Variants in ADAMTSL3 observed in about 807,000 individuals in gnomAD.
ADAMTSL3 encodes the protein ADAMTS-like protein 3.
Under a neutral mutation model 201.7 loss-of-function variants are expected in ADAMTSL3, and 128 were observed. That is an observed-to-expected ratio of 0.63 (90% CI 0.55 to 0.73). The LOEUF is 0.73. ADAMTSL3 is among the 30% of genes least tolerant of loss of function. The pLI is 0.00. For synonymous variants in ADAMTSL3, 738 were observed against 748.4 expected, an observed-to-expected ratio of 0.99 and a Z score of 0.23; for missense variants, 1,990 against 2,119.6, an observed-to-expected ratio of 0.94 and a Z score of 1.20.
chr15:83,914,506 G>A (rs985943706), intron 16 of ADAMTSL3, among the ~76,000 whole-genome samples: 12 of 152,298 alleles, frequency 7.9e-5, no homozygotes, highest in Admixed American at 6.5e-4. Flanking sequence ...AGTAAACCCG[G>A]CTAAAGTGGC....
At chr15:83,732,380 G>GT (rs2062293002) in intron 3 of ADAMTSL3, among the ~76,000 whole-genome samples, 3 of 152,196 alleles carry the variant, frequency 2.0e-5, no homozygotes, top group South Asian at 4.1e-4. Flanking sequence ...TGTCAGATAA[G>GT]TGAGTCAACA....
intron 19 of ADAMTSL3, among the ~76,000 whole-genome samples, chr15:83,958,656 T>A (rs2066902058): frequency 6.6e-6 from 1 of 152,064 alleles, no homozygotes; most frequent in Non-Finnish European, 1.5e-5. Flanking sequence ...CATACCAACA[T>A]AATGAAAATT....
chr15:83,978,379 A>G (rs2067324017), intron 20 of ADAMTSL3, among the ~76,000 whole-genome samples: 1 of 152,064 alleles, frequency 6.6e-6, no homozygotes, highest in Non-Finnish European at 1.5e-5. Context: ...TCTCACATTT[A>G]GCACAGTGGG....
chr15:83,667,066 AG>A (rs2061257107), intron 2 of ADAMTSL3, among the ~76,000 whole-genome samples: 1 of 152,006 alleles, frequency 6.6e-6, no homozygotes, highest in Non-Finnish European at 1.5e-5. Flanking sequence ...GTAGTCTAGG[AG>A]GCTCTTAATT....
chr15:84,001,848 C>G (rs995255991), intron 23 of ADAMTSL3, among the ~76,000 whole-genome samples: 5 of 152,204 alleles, frequency 3.3e-5, no homozygotes, highest in Admixed American at 6.5e-5. Flanking sequence ...TGTGCTCAAC[C>G]AGGCACATGA....
chr15:83,706,490 C>G (rs939284281), intron 3 of ADAMTSL3, among the ~76,000 whole-genome samples: 2 of 152,128 alleles, frequency 1.3e-5, no homozygotes, highest in Non-Finnish European at 1.5e-5. Flanking sequence ...GAGACTATAA[C>G]AAGCCAATAA....
chr15:83,681,868 C>T (rs756442754), intron 2 of ADAMTSL3, among the ~76,000 whole-genome samples: 7 of 152,168 alleles, frequency 4.6e-5, no homozygotes, highest in Non-Finnish European at 8.8e-5. Flanking sequence ...TATTTATTTA[C>T]TCCCCATAAC....
chr15:83,675,282 C>T (rs965617410), intron 2 of ADAMTSL3, among the ~76,000 whole-genome samples: 3 of 152,068 alleles, frequency 2.0e-5, no homozygotes, highest in African/African-American at 4.8e-5. Context: ...CTCCCTAATC[C>T]ATTCCCATGG....
chr15:83,724,709 C>G (rs1441360464), intron 3 of ADAMTSL3, among the ~76,000 whole-genome samples: 1 of 151,972 alleles, frequency 6.6e-6, no homozygotes, highest in African/African-American at 2.4e-5. Flanking sequence ...ACTATCCTTC[C>G]TAGCCACTGG....
chr15:84,010,747 G>A (rs888507355), intron 23 of ADAMTSL3, among the ~76,000 whole-genome samples: 2 of 152,170 alleles, frequency 1.3e-5, no homozygotes, highest in African/African-American at 4.8e-5. Context: ...TTGTTTCTGA[G>A]CTCCATTATT....
Position 83,970,502 on chromosome 15 carries a change from G to A in ADAMTSL3, c.2509G>A (p.Val837Ile). 6.2e-7 allele frequency: 1 copy of A among 1,614,190 alleles called. No individual in the cohort carries two copies. The highest frequency in any genetic ancestry group is 8.5e-7 in the Non-Finnish European group (1 of 1,180,032). Residue 837 changes from valine to isoleucine, a missense_variant, in exon 20 of 30, where the codon GTT becomes ATT. Transcript: ENST00000286744. ...ATTTCAGTGTTCTGTCAGTTGTGGT[G>A]TTGGAATCCAGAGAAGAAAGCAGGT... The part of the protein sequence containing the change: ...DWSKCSVSCG[V>I]GIQRRKQVCQ...
rs750437275 is a variant in ADAMTSL3, at chr15:84,036,885, G to A, written c.4867G>A (p.Asp1623Asn). ...CAGGGGTTTCCAGTCTCGGAAAGTCGACTGTATCCACACAAGGAGTTGCAA... is the reference window on the plus strand; with the variant it reads ...CAGGGGTTTCCAGTCTCGGAAAGTCAACTGTATCCACACAAGGAGTTGCAA... Reference protein sequence around the residue: ...CGRGFQSRKVDCIHTRSCKPV... With the variant: ...CGRGFQSRKVNCIHTRSCKPV... The change falls in exon 29 of 30, where the codon GAC becomes AAC. Residue 1623 changes from aspartate (D) to asparagine (N), a missense_variant. Transcript: ENST00000286744. 21 of 1,613,932 alleles carry A rather than the reference G, an allele frequency of 1.3e-5. No individual in the cohort carries two copies. The highest frequency in any genetic ancestry group is 4.0e-5 in the African/African-American group (3 of 74,876).
intron 8 of ADAMTSL3, among the ~76,000 whole-genome samples, chr15:83,859,495 T>A (rs1210253489): frequency 6.6e-6 from 1 of 152,204 alleles, no homozygotes; most frequent in African/African-American, 2.4e-5. Flanking sequence ...CAGGGACATA[T>A]GTTAAAATGT....
intron 23 of ADAMTSL3, among the ~76,000 whole-genome samples, chr15:84,010,259 A>C (rs1238760964): frequency 1.3e-5 from 2 of 152,222 alleles, no homozygotes; most frequent in African/African-American, 4.8e-5. Context: ...TTGCCCTCAA[A>C]TATGTAAGGA....
intron 10 of ADAMTSL3, among the ~76,000 whole-genome samples, chr15:83,888,512 A>G (rs1304807923): frequency 2.6e-5 from 4 of 152,188 alleles, no homozygotes; most frequent in Non-Finnish European, 4.4e-5. Flanking sequence ...ATTTAATTAT[A>G]TTAGTAATCA....
chr15:83,925,226 C>T (rs957600131), intron 17 of ADAMTSL3, among the ~76,000 whole-genome samples: 10 of 152,100 alleles, frequency 6.6e-5, no homozygotes, highest in African/African-American at 2.2e-4. Flanking sequence ...TTCTCCAGCC[C>T]GCACAGTCTC....
intron 19 of ADAMTSL3, among the ~76,000 whole-genome samples, chr15:83,956,279 A>T (rs2066860917): frequency 6.6e-6 from 1 of 152,160 alleles, no homozygotes; most frequent in Non-Finnish European, 1.5e-5. Context: ...CCATGCAGCC[A>T]CTGCCAGGGA....
chr15:83,713,397 T>C (rs184943464), intron 3 of ADAMTSL3, among the ~76,000 whole-genome samples: 9 of 152,306 alleles, frequency 5.9e-5, no homozygotes, highest in Admixed American at 5.9e-4. Flanking sequence ...TCCTCAGGCA[T>C]AGTGAAGGGA....
intron 3 of ADAMTSL3, among the ~76,000 whole-genome samples, chr15:83,740,772 A>G (rs1361071418): frequency 6.6e-6 from 1 of 152,200 alleles, no homozygotes. Flanking sequence ...TAAATATCAG[A>G]CAAATTCTAT....
Sources: allele counts gnomAD v4.1 joint callset (sites outside exome capture counted in the v4.1 genomes callset), GRCh38; gene constraint gnomAD v4.1.1; transcripts MANE v1.5; gene names NCBI Gene and HGNC (gene_info 2026-07-23, HGNC 2026-07-21).